The following GRID2 variants were observed in gnomAD, a reference collection of about 807,000 sequenced individuals.
GRID2 encodes glutamate receptor ionotropic, delta-2.
GRID2 carries 33 observed loss-of-function variants against 114.8 expected under a neutral mutation model. The ratio of observed to expected loss-of-function variants is 0.29; its 90% CI spans 0.22 to 0.38. GRID2 has a LOEUF of 0.38. Among genes scored for constraint, GRID2 ranks in the 10% least tolerant of loss-of-function variants. The pLI, the probability that GRID2 is intolerant of heterozygous loss-of-function variation, is 1.00. For synonymous variants in GRID2, 505 were observed against 449.9 expected, an observed-to-expected ratio of 1.12 and a Z score of -1.55; for missense variants, 1,184 against 1,257.7, an observed-to-expected ratio of 0.94 and a Z score of 0.89.
intron 1 of GRID2, among the ~76,000 whole-genome samples, chr4:92,558,084 C>G (rs1726941989): frequency 1.3e-5 from 2 of 152,134 alleles, no homozygotes; most frequent in South Asian, 2.1e-4. Flanking sequence ...CCAGCCCTCT[C>G]TCAAATGCTT....
intron 14 of GRID2, among the ~76,000 whole-genome samples, chr4:93,681,370 T>G (rs1725515105): frequency 6.6e-6 from 1 of 151,380 alleles, no homozygotes; most frequent in South Asian, 2.1e-4. Context: ...AATTTAGAGA[T>G]TCAATGCCAT....
intron 2 of GRID2, among the ~76,000 whole-genome samples, chr4:92,924,169 T>A (rs968749658): frequency 2.9e-4 from 44 of 152,138 alleles, no homozygotes; most frequent in African/African-American, 9.9e-4. Flanking sequence ...AAACACCACA[T>A]GTTCTCACTC....
intron 4 of GRID2, among the ~76,000 whole-genome samples, chr4:93,125,354 G>A (rs187583496): frequency 6.6e-6 from 1 of 151,702 alleles, no homozygotes; most frequent in East Asian, 1.9e-4. Flanking sequence ...TTTTGAAAAA[G>A]CAAATTCATT....
intron 2 of GRID2, among the ~76,000 whole-genome samples, chr4:93,063,286 A>G (rs1424342337): frequency 6.6e-6 from 1 of 151,924 alleles, no homozygotes; most frequent in Non-Finnish European, 1.5e-5. Context: ...AATTCTGTAT[A>G]TGAAGGATTC....
intron 13 of GRID2, among the ~76,000 whole-genome samples, chr4:93,580,739 C>A (rs1338974272): frequency 6.6e-6 from 1 of 151,424 alleles, no homozygotes; most frequent in Non-Finnish European, 1.5e-5. Context: ...CTTCCCCAGT[C>A]CCTGGCAAAG....
chr4:92,663,676 T>C (rs1732630416), intron 2 of GRID2, among the ~76,000 whole-genome samples: 1 of 151,210 alleles, frequency 6.6e-6, no homozygotes, highest in African/African-American at 2.4e-5. Flanking sequence ...TATCTATTTT[T>C]AAGTGTACAG....
chr4:92,753,538 C>T (rs550268338), intron 2 of GRID2, among the ~76,000 whole-genome samples: 45 of 152,172 alleles, frequency 3.0e-4, no homozygotes, highest in African/African-American at 8.9e-4. Context: ...AGCATAATAA[C>T]GAACAAAAAC....
chr4:92,659,250 T>G (rs1447042121), intron 2 of GRID2, among the ~76,000 whole-genome samples: 3 of 151,708 alleles, frequency 2.0e-5, no homozygotes, highest in Admixed American at 6.6e-5. Flanking sequence ...AGTTTTCATT[T>G]AGTTATTGCC....
At position 92,346,484 on chromosome 4, in the gene GRID2, C is replaced by A. The variant is rs925050487; in HGVS notation, c.88+41740C>A. ...GGCTCAACTGCTCTTCCCACCTCAG[C>A]CCCCACAAGTAGCTGGAACTGCAAG... On this transcript the variant is annotated intron_variant, in intron 1 of 15. Coordinates refer to ENST00000282020, the MANE Select transcript of GRID2 (RefSeq NM_001510.4). 3.9e-5 allele frequency among the ~76,000 whole-genome samples: 6 copies of A among 152,072 alleles called. No homozygotes were observed. In the East Asian group the frequency reaches 5.8e-4, roughly 15 times the overall value.
intron 2 of GRID2, among the ~76,000 whole-genome samples, chr4:92,783,755 G>GTGC (rs1257065825): frequency 6.6e-6 from 1 of 151,848 alleles, no homozygotes; most frequent in Non-Finnish European, 1.5e-5. Flanking sequence ...GTGCCGTACT[G>GTGC]TGCCCTTGTA....
chr4:92,910,430 T>G (rs1748287680), intron 2 of GRID2, among the ~76,000 whole-genome samples: 1 of 152,088 alleles, frequency 6.6e-6, no homozygotes, highest in African/African-American at 2.4e-5. Context: ...AGAGAGCCAA[T>G]AGTGGTAATT....
intron 14 of GRID2, among the ~76,000 whole-genome samples, chr4:93,686,463 G>T (rs1244196767): frequency 6.6e-6 from 1 of 151,600 alleles, no homozygotes; most frequent in Non-Finnish European, 1.5e-5. Flanking sequence ...ATTGCTTACA[G>T]GCTTAAGATA....
intron 8 of GRID2, among the ~76,000 whole-genome samples, chr4:93,368,829 T>G (rs1433416328): frequency 6.6e-6 from 1 of 152,182 alleles, no homozygotes; most frequent in Non-Finnish European, 1.5e-5. Flanking sequence ...TGGAAAAATT[T>G]AAAGAGTCTT....
intron 2 of GRID2, among the ~76,000 whole-genome samples, chr4:92,763,074 G>A (rs984398908): frequency 6.6e-6 from 1 of 152,168 alleles, no homozygotes; most frequent in Non-Finnish European, 1.5e-5. Context: ...TATACACACT[G>A]CCAAGACTTT....
At chr4:93,323,238 G>T (rs564593917) in intron 8 of GRID2, among the ~76,000 whole-genome samples, 1 of 152,154 alleles carries the variant, frequency 6.6e-6, no homozygotes, top group Non-Finnish European at 1.5e-5. Context: ...GTGTAAGGAA[G>T]GGATCCAGTT....
At chr4:93,489,114 G>A (rs962275267) in intron 11 of GRID2, among the ~76,000 whole-genome samples, 2 of 151,952 alleles carry the variant, frequency 1.3e-5, no homozygotes, top group Non-Finnish European at 2.9e-5. Flanking sequence ...AATGTTTAAA[G>A]CCTAATACAT....
At chr4:92,705,462 C>T (rs532015952) in intron 2 of GRID2, among the ~76,000 whole-genome samples, 1 of 152,232 alleles carries the variant, frequency 6.6e-6, no homozygotes, top group Admixed American at 6.5e-5. Context: ...GAAAAAGTTA[C>T]CTTTTGACAC....
At chr4:93,100,508 G>A (rs962538191) in intron 3 of GRID2, among the ~76,000 whole-genome samples, 1 of 151,866 alleles carries the variant, frequency 6.6e-6, no homozygotes, top group Non-Finnish European at 1.5e-5. Context: ...TATAAAGTAT[G>A]TTTTGCTATT....
At chr4:92,437,675 G>A (rs758972563) in intron 1 of GRID2, among the ~76,000 whole-genome samples, 1 of 152,110 alleles carries the variant, frequency 6.6e-6, no homozygotes, top group Non-Finnish European at 1.5e-5. Flanking sequence ...AACCTCAAAG[G>A]TTTCACTAAC....
Sources: allele counts gnomAD v4.1 joint callset (sites outside exome capture counted in the v4.1 genomes callset), GRCh38; gene constraint gnomAD v4.1.1; transcripts MANE v1.5; gene names NCBI Gene and HGNC (gene_info 2026-07-23, HGNC 2026-07-21).